PLA2G4A: variants seen among roughly 807,000 people sequenced by gnomAD.
The protein encoded by PLA2G4A is cytosolic phospholipase A2.
A neutral mutation model predicts 81.9 loss-of-function variants in PLA2G4A; 40 were observed. That is an observed-to-expected ratio of 0.49 (90% confidence interval 0.38 to 0.64). PLA2G4A has a LOEUF of 0.64. PLA2G4A is among the 30% of genes least tolerant of loss of function. PLA2G4A has a pLI of 0.00. For missense variants in PLA2G4A, 715 were observed against 905.1 expected (o/e 0.79, Z 2.69); for synonymous variants, 302 against 296.9 (o/e 1.02, Z -0.18).
chr1:186,923,887 A>C (rs1439118394), intron 7 of PLA2G4A, among the ~76,000 whole-genome samples: 1 of 152,242 alleles, frequency 6.6e-6, no homozygotes, highest in African/African-American at 2.4e-5. Context: ...TGTTCCCCTC[A>C]TGACAGATAG....
At chr1:186,839,494 G>A (rs12720491) in intron 1 of PLA2G4A, among the ~76,000 whole-genome samples, 3,821 of 152,188 alleles carry the variant, frequency 0.025, 71 homozygotes, top group Middle Eastern at 0.041. Flanking sequence ...TGTTAATTTC[G>A]TATTTTCCAA....
rs112102631 is a variant in PLA2G4A at position 186,843,916 on chromosome 1, T to C, written c.-69-10370T>C. On this transcript the variant is annotated intron_variant, in intron 1 of 17. Transcript: ENST00000367466. ...GAAACTCTAGTAGGTATTTCATATA[T>C]ACTTGTCTATGTAATTATAATGAGA... Among the ~76,000 whole-genome samples the C allele has an allele frequency of 1.7e-3, 258 of 152,364 alleles. 6 individuals carry two copies. Among genetic ancestry groups the C allele is most frequent in the African/African-American group, 6.1e-3 (255 of 41,586 alleles).
At position 186,829,035 on chromosome 1, in the gene PLA2G4A, G is replaced by C; in HGVS notation, c.-70G>C. On this transcript the variant is annotated splice_region_variant and 5_prime_UTR_variant, in exon 1 of 18. Transcript: ENST00000367466. Reference sequence around the variant, plus strand: ...GCATTGAGGAGCCTGAAGATTCTCAGGTAACTCTGGGAACTGTAAGCAATA... The same window carrying C: ...GCATTGAGGAGCCTGAAGATTCTCACGTAACTCTGGGAACTGTAAGCAATA... 1 of 152,136 alleles carries C rather than the reference G, an allele frequency of 6.6e-6. No homozygotes were observed. The highest frequency in any genetic ancestry group is 1.9e-4 in the East Asian group (1 of 5,190). The allele number at this position is 152,136 out of a possible 1,614,324, so 9.4% of individuals were successfully genotyped here.
intron 15 of PLA2G4A, among the ~76,000 whole-genome samples, chr1:186,969,090 G>T (rs116156866): frequency 0.018 from 2,751 of 151,786 alleles, 91 homozygotes; most frequent in African/African-American, 0.063. Context: ...ATTAAAGTTT[G>T]TCTTATTCTT....
At chr1:186,934,832 T>C (rs1280170865) in intron 8 of PLA2G4A, among the ~76,000 whole-genome samples, 1 of 151,960 alleles carries the variant, frequency 6.6e-6, no homozygotes, top group Non-Finnish European at 1.5e-5. Flanking sequence ...TTTCATCCTC[T>C]CTGATTGGCC....
chr1:186,956,166 T>C lies in PLA2G4A; in HGVS notation c.1401T>C (p.Arg467=). The C allele has an allele frequency of 6.2e-7, 1 of 1,613,574 alleles. No individual in the cohort carries two copies. Among genetic ancestry groups the C allele is most frequent in the Non-Finnish European group, 8.5e-7 (1 of 1,179,468 alleles). The change falls in exon 14 of 18, where the codon CGT becomes CGC. Residue 467 remains arginine (R), a synonymous_variant. Transcript: ENST00000367466. The part of the protein sequence containing the change: ...QSDNQASWIH[R]MIMALVSDSA... ...ATAATCAAGCAAGTTGGATTCATCG[T>C]ATGATAATGGCCTTGGTGAGTGATT...
At chr1:186,856,416 G>GTTTTTTTTTTT in intron 2 of PLA2G4A, among the ~76,000 whole-genome samples, 1 of 146,576 alleles carries the variant, frequency 6.8e-6, no homozygotes, top group African/African-American at 2.5e-5. Context: ...TTGAGATGGA[G>GTTTTTTTTTTT]TCTCACTCTG....
At chr1:186,881,575 C>G (rs1334940964) in intron 3 of PLA2G4A, among the ~76,000 whole-genome samples, 3 of 152,104 alleles carry the variant, frequency 2.0e-5, no homozygotes, top group Non-Finnish European at 4.4e-5. Context: ...TAAACAAGTC[C>G]TGTGGCACTC....
At chr1:186,891,160 C>A (rs965079202) in intron 3 of PLA2G4A, among the ~76,000 whole-genome samples, 1 of 150,646 alleles carries the variant, frequency 6.6e-6, no homozygotes. Context: ...TTTACTTTTA[C>A]TTTTTAATTT....
chr1:186,904,847 G>A (rs1654676312), intron 5 of PLA2G4A, among the ~76,000 whole-genome samples: 1 of 95,646 alleles, frequency 1.0e-5, no homozygotes, highest in African/African-American at 8.3e-5. Flanking sequence ...AAACAGGCAG[G>A]GATATATATA....
At chr1:186,928,646 C>A (rs553061547) in intron 7 of PLA2G4A, among the ~76,000 whole-genome samples, 2 of 152,062 alleles carry the variant, frequency 1.3e-5, no homozygotes, top group African/African-American at 2.4e-5. Flanking sequence ...TTTGAAAAAC[C>A]CTGACTAATA....
chr1:186,979,183 A>T, intron 16 of PLA2G4A, 132 bp from the exon 17 acceptor site: 1 of 710,636 alleles, frequency 1.4e-6, no homozygotes. Flanking sequence ...TAAAAGTCAG[A>T]GATGCTACAG....
intron 7 of PLA2G4A, among the ~76,000 whole-genome samples, chr1:186,925,651 A>G (rs1449048187): frequency 6.6e-6 from 1 of 152,242 alleles, no homozygotes; most frequent in African/African-American, 2.4e-5. Context: ...TAATGAGCAC[A>G]CAGGTAATTT....
chr1:186,977,921 G>A, intron 16 of PLA2G4A, 133 bp downstream of exon 16: 3 of 713,804 alleles, frequency 4.2e-6, no homozygotes, highest in Non-Finnish European at 7.7e-6. Flanking sequence ...TTGATAAATA[G>A]ATACTATTCT....
intron 3 of PLA2G4A, among the ~76,000 whole-genome samples, chr1:186,888,757 C>T (rs1654025969): frequency 6.6e-6 from 1 of 152,024 alleles, no homozygotes; most frequent in Non-Finnish European, 1.5e-5. Flanking sequence ...ATGATGTTTG[C>T]CATTTGCATG....
intron 5 of PLA2G4A, among the ~76,000 whole-genome samples, chr1:186,894,665 A>G (rs1460222973): frequency 2.6e-5 from 4 of 152,222 alleles, no homozygotes; most frequent in Non-Finnish European, 4.4e-5. Flanking sequence ...CTCTGGGGGA[A>G]TATTTCTGTC....
At position 186,988,243 on chromosome 1, in the gene PLA2G4A, A is replaced by G. The variant is rs187305201; in HGVS notation, c.2119-134A>G. ...TGTTGAATTTAAATGTGTATGCATGACTCGTAGATTTCTATTCATATATGT... is the reference window on the plus strand; with the variant it reads ...TGTTGAATTTAAATGTGTATGCATGGCTCGTAGATTTCTATTCATATATGT... On this transcript the variant is annotated intron_variant, in intron 17 of 17. Coordinates refer to ENST00000367466, the MANE Select transcript of PLA2G4A (RefSeq NM_024420.3). 42 of 628,818 alleles carry G rather than the reference A, an allele frequency of 6.7e-5. No individual in the cohort carries two copies. In the African/African-American group the frequency reaches 7.1e-4, roughly 11 times the overall value. 39.0% of individuals were successfully genotyped at this position (628,818 alleles called of 1,614,324 possible). A position where few individuals can be genotyped will look rare whatever the true frequency, so the allele number is the denominator to read the frequency against.
chr1:186,931,794 C>T (rs1031448525), intron 7 of PLA2G4A, among the ~76,000 whole-genome samples: 2 of 152,120 alleles, frequency 1.3e-5, no homozygotes, highest in Non-Finnish European at 2.9e-5. Context: ...GTATATTCAG[C>T]ATTTGTAAGA....
At chr1:186,892,986 T>C (rs1654199854) in intron 3 of PLA2G4A, 25 bp from the exon 4 acceptor site, 2 of 1,577,664 alleles carry the variant, frequency 1.3e-6, no homozygotes, top group Non-Finnish European at 1.7e-6. Flanking sequence ...TCTACCTCCT[T>C]CTTGTTTGTG....
Sources: gnomAD v4.1 joint callset for allele counts (sites outside exome capture counted in the v4.1 genomes callset) on GRCh38, gnomAD v4.1.1 for gene constraint, MANE v1.5 for transcripts, NCBI Gene and HGNC (gene_info 2026-07-23, HGNC 2026-07-21) for gene names.